Variants in SRPK2 observed in about 807,000 individuals in gnomAD.
SRPK2 encodes SFRS protein kinase 2.
A neutral mutation model predicts 90.8 loss-of-function variants in SRPK2; 21 were observed. The observed-to-expected ratio is 0.23, with a 90% CI of 0.16 to 0.33. SRPK2 has a LOEUF of 0.33. Among genes scored for constraint, SRPK2 ranks in the 10% least tolerant of loss-of-function variants. The pLI, the probability that SRPK2 is intolerant of heterozygous loss-of-function variation, is 1.00. For synonymous variants in SRPK2, 288 were observed against 311.1 expected, an observed-to-expected ratio of 0.93 and a Z score of 0.78; for missense variants, 620 against 869.0, an observed-to-expected ratio of 0.71 and a Z score of 3.60.
intron 2 of SRPK2, among the ~76,000 whole-genome samples, chr7:105,246,294 C>A (rs1422750890): frequency 1.3e-5 from 2 of 152,104 alleles, no homozygotes; most frequent in Non-Finnish European, 2.9e-5. Context: ...TCCCCCTCAC[C>A]CTGCAACATT....
At chr7:105,197,120 G>T (rs1161290920) in intron 3 of SRPK2, among the ~76,000 whole-genome samples, 1 of 152,034 alleles carries the variant, frequency 6.6e-6, no homozygotes, top group African/African-American at 2.4e-5. Context: ...AGGAGAAAGG[G>T]AGGAGGGATG....
At chr7:105,374,260 A>G (rs1259414132) in intron 2 of SRPK2, among the ~76,000 whole-genome samples, 3 of 152,174 alleles carry the variant, frequency 2.0e-5, no homozygotes, top group Non-Finnish European at 4.4e-5. Flanking sequence ...TTCATTAAGT[A>G]TAACAGTCTA....
At chr7:105,235,914 A>G (rs1232262580) in intron 2 of SRPK2, among the ~76,000 whole-genome samples, 1 of 152,202 alleles carries the variant, frequency 6.6e-6, no homozygotes, top group African/African-American at 2.4e-5. Flanking sequence ...TCTTGGGGAA[A>G]GGGGAATTCA....
In SRPK2 at chr7:105,208,508, A is replaced by C. The variant is rs79475762; in HGVS notation, c.72-4723T>G. On this transcript the variant is annotated intron_variant, in intron 2 of 15. Coordinates refer to ENST00000393651, the MANE Select transcript of SRPK2 (RefSeq NM_182692.3). ...ACATGGATGGATCCTCCAAAACCTT[A>C]TGCTGGGTGACAGATGCCAGTCAGA... is the stretch of plus-strand genomic sequence containing the variant. Among the ~76,000 whole-genome samples, 163 of 152,326 alleles carry C rather than the reference A, an allele frequency of 1.1e-3. 1 individual carries two copies. The highest frequency in any genetic ancestry group is 3.8e-3 in the African/African-American group (159 of 41,592).
chr7:105,280,665 G>A (rs1016508317), intron 2 of SRPK2, among the ~76,000 whole-genome samples: 2 of 148,814 alleles, frequency 1.3e-5, no homozygotes, highest in Admixed American at 6.7e-5. Context: ...AAGGGGGGGG[G>A]GGCCGGGCAC....
intron 6 of SRPK2, among the ~76,000 whole-genome samples, chr7:105,164,326 G>T (rs532355188): frequency 6.6e-6 from 1 of 152,180 alleles, no homozygotes; most frequent in Admixed American, 6.5e-5. Context: ...CTTCACCAAG[G>T]AGTCCTTCTC....
chr7:105,206,344 A>G (rs539883412), intron 2 of SRPK2: 41 of 188,798 alleles, frequency 2.2e-4, no homozygotes, highest in African/African-American at 9.6e-4. Flanking sequence ...ATTTTCTCTC[A>G]CTTGAGAGAT....
chr7:105,362,116 A>G (rs1168511175), intron 2 of SRPK2, among the ~76,000 whole-genome samples: 2 of 152,200 alleles, frequency 1.3e-5, no homozygotes, highest in Non-Finnish European at 2.9e-5. Context: ...AAGAACTTAA[A>G]CAAATTTACC....
At chr7:105,398,278 A>T (rs1430576566) in intron 1 of SRPK2, among the ~76,000 whole-genome samples, 2 of 152,120 alleles carry the variant, frequency 1.3e-5, no homozygotes, top group African/African-American at 4.8e-5. Flanking sequence ...TCACTAAATC[A>T]TGTTGCATCT....
chr7:105,372,518 C>A (rs1204001440), intron 2 of SRPK2, among the ~76,000 whole-genome samples: 2 of 152,038 alleles, frequency 1.3e-5, no homozygotes, highest in Non-Finnish European at 2.9e-5. Context: ...CCTTTGGAGA[C>A]ATACACAACA....
chr7:105,370,023 A>G lies in SRPK2; in HGVS notation c.71+18625T>C, dbSNP rs147012352. ...GCCTGGGCAACAAGAGCAAGACTCC[A>G]TCTCAAACAACAACAACAACAACAA... On this transcript the variant is annotated intron_variant, in intron 2 of 15. Coordinates refer to ENST00000393651, the MANE Select transcript of SRPK2 (RefSeq NM_182692.3). Among the ~76,000 whole-genome samples the G allele has an allele frequency of 6.7e-3, 713 of 106,724 alleles. 11 individuals carry two copies. In the East Asian group the frequency reaches 0.074, roughly 11 times the overall value. 70.0% of individuals were successfully genotyped at this position (106,724 alleles called of 152,430 possible). A position where few individuals can be genotyped will look rare whatever the true frequency, so the allele number is the denominator to read the frequency against.
chr7:105,169,538 C>A (rs1320406940), intron 3 of SRPK2, among the ~76,000 whole-genome samples: 1 of 152,034 alleles, frequency 6.6e-6, no homozygotes, highest in East Asian at 1.9e-4. Context: ...ACCAGCCTGG[C>A]CAACATGGTG....
At chr7:105,330,822 A>T (rs1002592923) in intron 2 of SRPK2, among the ~76,000 whole-genome samples, 1 of 152,056 alleles carries the variant, frequency 6.6e-6, no homozygotes, top group African/African-American at 2.4e-5. Flanking sequence ...CTCTATTTAA[A>T]AAAAAAAGAA....
intron 2 of SRPK2, among the ~76,000 whole-genome samples, chr7:105,339,716 T>A (rs991507567): frequency 6.6e-6 from 1 of 152,190 alleles, no homozygotes; most frequent in African/African-American, 2.4e-5. Context: ...AAGGCACTAG[T>A]ATTTCTAGTG....
chr7:105,397,890 C>T (rs1236733902), intron 1 of SRPK2, among the ~76,000 whole-genome samples: 2 of 152,206 alleles, frequency 1.3e-5, no homozygotes, highest in African/African-American at 4.8e-5. Flanking sequence ...TCAAGTGACC[C>T]ACTCACCTCG....
intron 2 of SRPK2, among the ~76,000 whole-genome samples, chr7:105,331,959 G>A (rs1814471312): frequency 1.3e-5 from 2 of 152,166 alleles, no homozygotes; most frequent in Non-Finnish European, 2.9e-5. Flanking sequence ...AGGAGTTTGA[G>A]ACCAGCCTGG....
chr7:105,223,859 C>T (rs576369763), intron 2 of SRPK2, among the ~76,000 whole-genome samples: 1 of 152,296 alleles, frequency 6.6e-6, no homozygotes, highest in South Asian at 2.1e-4. Context: ...TTTCTTGAGA[C>T]ATATTTCAGT....
At chr7:105,126,160 T>A in intron 15 of SRPK2, 88 bp downstream of exon 15, 1 of 1,119,906 alleles carries the variant, frequency 8.9e-7, no homozygotes, top group South Asian at 1.3e-5. Flanking sequence ...TTAGGAGAAA[T>A]GCCTTTGTCA....
intron 7 of SRPK2, among the ~76,000 whole-genome samples, chr7:105,157,750 C>CA (rs530960283): frequency 1.3e-5 from 2 of 151,956 alleles, no homozygotes; most frequent in Non-Finnish European, 2.9e-5. Flanking sequence ...AAGTTTCCAC[C>CA]AAAAACAGGG....
Sources: allele counts gnomAD v4.1 joint callset (sites outside exome capture counted in the v4.1 genomes callset), GRCh38; gene constraint gnomAD v4.1.1; transcripts MANE v1.5; gene names NCBI Gene and HGNC (gene_info 2026-07-23, HGNC 2026-07-21).